Variants in HOXC8 observed in about 807,000 individuals in gnomAD.
HOXC8 encodes homeobox C8.
In HOXC8, 14 loss-of-function variants were observed where a neutral mutation model predicts 25.8. That is an observed-to-expected ratio of 0.54 (90% confidence interval 0.36 to 0.85). The LOEUF is 0.85. Among genes scored for constraint, HOXC8 ranks in the 40% least tolerant of loss-of-function variants. The pLI, the probability that HOXC8 is intolerant of heterozygous loss-of-function variation, is 0.01. For synonymous variants in HOXC8, 144 were observed against 124.6 expected, an observed-to-expected ratio of 1.16 and a Z score of -1.04; for missense variants, 316 against 308.8, an observed-to-expected ratio of 1.02 and a Z score of -0.17.
chr12:54,011,578 G>T lies in HOXC8; in HGVS notation c.*197G>T. On this transcript the variant is annotated 3_prime_UTR_variant, in exon 2 of 2. Transcript: ENST00000040584. ...CTTCCCCCACTCTTTATTTGTTTGG[G>T]GGCTGGAGGGGGGAGACGGAGAAAC... 1.6e-6 allele frequency: 1 copy of T among 620,076 alleles called. No individual in the cohort carries two copies. Among genetic ancestry groups the T allele is most frequent in the Non-Finnish European group, 2.4e-6 (1 of 408,550 alleles). The allele number at this position is 620,076 out of a possible 1,614,324, so 38.4% of individuals were successfully genotyped here. A position where few individuals can be genotyped will look rare whatever the true frequency, so the allele number is the denominator to read the frequency against.
At position 54,011,946 on chromosome 12, in the gene HOXC8, C is replaced by T. The variant is rs1421505924; in HGVS notation, c.*565C>T. 1 of 149,892 alleles carries T rather than the reference C, an allele frequency of 6.7e-6. No individual in the cohort carries two copies. Among genetic ancestry groups the T allele is most frequent in the Non-Finnish European group, 1.5e-5 (1 of 67,328 alleles). 9.3% of individuals were successfully genotyped at this position (149,892 alleles called of 1,614,324 possible). On this transcript the variant is annotated 3_prime_UTR_variant, in exon 2 of 2. Transcript: ENST00000040584. Reference sequence around the variant, plus strand: ...GCAAGGAATATCCCCTCCCCCTCCCCCTCCCCCTCCCCAGGGCTCCCTGCT... The same window carrying T: ...GCAAGGAATATCCCCTCCCCCTCCCTCTCCCCCTCCCCAGGGCTCCCTGCT...
Position 54,009,275 on chromosome 12 carries a change from T to C in HOXC8, c.-10T>C, listed in dbSNP as rs1429313326. The C allele has an allele frequency of 6.4e-7, 1 of 1,564,942 alleles. No homozygotes were observed. The highest frequency in any genetic ancestry group is 8.7e-7 in the Non-Finnish European group (1 of 1,152,802). ...GAGGGGAGGGGGCCGCGGGTTTTCA[T>C]GTACCCAGCATGAGCTCCTACTTCG... On this transcript the variant is annotated 5_prime_UTR_variant, in exon 1 of 2. It removes an upstream start codon present in the reference 5' UTR. Transcript: ENST00000040584. This position sits in a 1 kb window ranked among gnomAD's most constrained non-coding sequence, Gnocchi z 5.0.
Position 54,009,814 on chromosome 12 carries a change from CT to C in HOXC8, c.436+95del. ...TTTTTGTCTGCCCTCGCTTTTTCTC[CT>C]GGCTTTGGGGTCTCTCCCGCCCCAC... On this transcript the variant is annotated intron_variant, in intron 1 of 1. Transcript: ENST00000040584. This position sits in a 1 kb window ranked among gnomAD's most constrained non-coding sequence, Gnocchi z 5.0. The C allele has an allele frequency of 8.5e-7, 1 of 1,179,710 alleles. No homozygotes were observed. The highest frequency in any genetic ancestry group is 1.2e-6 in the Non-Finnish European group (1 of 814,024). The allele number at this position is 1,179,710 out of a possible 1,614,324, so 73.1% of individuals were successfully genotyped here.
rs980265262 is a variant in HOXC8, at chr12:54,009,775, C to A, written c.436+55C>A. ...TCTCCCGCGCTCCAGGGTTTCCCCC[C>A]CTCCCTCGCCTCCTTTTTGTCTGCC... On this transcript the variant is annotated intron_variant, in intron 1 of 1. Transcript: ENST00000040584. This position sits in a 1 kb window ranked among gnomAD's most constrained non-coding sequence, Gnocchi z 5.0. 23 of 1,452,838 alleles carry A rather than the reference C, an allele frequency of 1.6e-5. No homozygotes were observed. The highest frequency in any genetic ancestry group is 8.4e-5 in the African/African-American group (6 of 71,228). 90.0% of individuals were successfully genotyped at this position (1,452,838 alleles called of 1,614,324 possible). A position where few individuals can be genotyped will look rare whatever the true frequency, so the allele number is the denominator to read the frequency against.
chr12:54,010,963 T>C, intron 1 of HOXC8, 126 bp from the exon 2 acceptor site: 1 of 493,728 alleles, frequency 2.0e-6, no homozygotes, highest in South Asian at 2.1e-5. Flanking sequence ...CCTTCTGCTC[T>C]AGCCTTTTCC....
At position 54,009,663 on chromosome 12, in the gene HOXC8, G is replaced by A; in HGVS notation, c.379G>A (p.Gly127Ser). 2 of 1,614,212 alleles carry A rather than the reference G, an allele frequency of 1.2e-6. No individual in the cohort carries two copies. Among genetic ancestry groups the A allele is most frequent in the Non-Finnish European group, 1.7e-6 (2 of 1,180,038 alleles). The change falls in exon 1 of 2, where the codon GGC becomes AGC. Residue 127 changes from glycine to serine, a missense_variant. Transcript: ENST00000040584. This position sits in a 1 kb window ranked among gnomAD's most constrained non-coding sequence, Gnocchi z 5.0. Reference protein sequence around the residue: ...SANTNSSEGQGHLNQNSSPSL... With the variant: ...SANTNSSEGQSHLNQNSSPSL... ...CAACACTAACAGTAGCGAAGGACAA[G>A]GCCACTTAAATCAAAACTCGTCTCC...
In HOXC8 at chr12:54,012,341, A is replaced by T. The variant is rs1273590984; in HGVS notation, c.*960A>T. The T allele has an allele frequency of 4.0e-5, 4 of 99,594 alleles. No individual in the cohort carries two copies. Among genetic ancestry groups the T allele is most frequent in the Non-Finnish European group, 7.7e-5 (4 of 52,230 alleles). 6.2% of individuals were successfully genotyped at this position (99,594 alleles called of 1,614,324 possible). A position where few individuals can be genotyped will look rare whatever the true frequency, so the allele number is the denominator to read the frequency against. On this transcript the variant is annotated 3_prime_UTR_variant, in exon 2 of 2. Transcript: ENST00000040584. ...AAAAAAAGAGAAAAAAATAAAAATC[A>T]AAAAAAAAAAAAAGAAAGAAAGAAA...
Position 54,012,188 on chromosome 12 carries a change from T to G in HOXC8, c.*807T>G, listed in dbSNP as rs911850255. On this transcript the variant is annotated 3_prime_UTR_variant, in exon 2 of 2. Coordinates refer to ENST00000040584, the MANE Select transcript of HOXC8 (RefSeq NM_022658.4). ...CCCGCCTTCCTCTGAGCTGCATTAG[T>G]GTTAGTGCTCAGAAATCACCATAAT... 2 of 152,466 alleles carry G rather than the reference T, an allele frequency of 1.3e-5. No homozygotes were observed. Among genetic ancestry groups the G allele is most frequent in the Non-Finnish European group, 2.9e-5 (2 of 68,036 alleles). The allele number at this position is 152,466 out of a possible 1,614,324, so 9.4% of individuals were successfully genotyped here. A position where few individuals can be genotyped will look rare whatever the true frequency, so the allele number is the denominator to read the frequency against.
In HOXC8 at chr12:54,009,154, A is replaced by ACCAGC. The variant is rs1184625445; in HGVS notation, c.-121_-117dup. 7.5e-6 allele frequency: 6 copies of ACCAGC among 794,926 alleles called. No homozygotes were observed. The East Asian group carries it at 1.5e-4, about 20-fold the overall frequency. The allele number at this position is 794,926 out of a possible 1,614,324, so 49.2% of individuals were successfully genotyped here. Reference sequence around the variant, plus strand: ...CCCCAACCTGCCCAGCCCCCAGCCCACCAGCCCAGCCCAGTCCCGGGGAGC... The same window carrying ACCAGC: ...CCCCAACCTGCCCAGCCCCCAGCCCACCAGCCCAGCCCAGCCCAGTCCCGGGGAGC... On this transcript the variant is annotated 5_prime_UTR_variant, in exon 1 of 2. Coordinates refer to ENST00000040584, the MANE Select transcript of HOXC8 (RefSeq NM_022658.4). The surrounding 1 kb of genome is among the most constrained non-coding windows in gnomAD (Gnocchi z 5.0).
chr12:54,011,076 T>C lies in HOXC8; in HGVS notation c.437-13T>C. ...ATCCAAACGTAACCAGACTGGGGTT[T>C]TCTTCTGTCCAGCTCCGGGGAGGCG... On this transcript the variant is annotated splice_polypyrimidine_tract_variant and intron_variant, in intron 1 of 1. Coordinates refer to ENST00000040584, the MANE Select transcript of HOXC8 (RefSeq NM_022658.4). The C allele has an allele frequency of 6.2e-7, 1 of 1,605,624 alleles. No individual in the cohort carries two copies. The highest frequency in any genetic ancestry group is 8.5e-7 in the Non-Finnish European group (1 of 1,172,652).
intron 1 of HOXC8, among the ~76,000 whole-genome samples, chr12:54,010,340 G>A (rs913447113): frequency 2.0e-5 from 3 of 152,166 alleles, no homozygotes; most frequent in African/African-American, 4.8e-5. Context: ...GGGAGCCTGA[G>A]AGGAGGGGGA....
rs2136402635 is a variant in HOXC8 at position 54,011,076 on chromosome 12, T to G, written c.437-13T>G. On this transcript the variant is annotated splice_polypyrimidine_tract_variant and intron_variant, in intron 1 of 1. Transcript: ENST00000040584. ...ATCCAAACGTAACCAGACTGGGGTT[T>G]TCTTCTGTCCAGCTCCGGGGAGGCG... 2 of 1,605,624 alleles carry G rather than the reference T, an allele frequency of 1.2e-6. No individual in the cohort carries two copies. Among genetic ancestry groups the G allele is most frequent in the East Asian group, 4.5e-5 (2 of 44,832 alleles).
At position 54,012,667 on chromosome 12, in the gene HOXC8, A is replaced by G. The variant is rs537540945; in HGVS notation, c.*1286A>G. Among the ~76,000 whole-genome samples the G allele has an allele frequency of 2.2e-4, 34 of 152,344 alleles. No homozygotes were observed. The highest frequency in any genetic ancestry group is 7.9e-4 in the African/African-American group (33 of 41,582). ...TTTTTTGTCATTTGTCTTTATGTCC[A>G]GCTATGAATGTAGATTTTGTGTCCC... On this transcript the variant is annotated 3_prime_UTR_variant, in exon 2 of 2. Transcript: ENST00000040584.
At position 54,011,273 on chromosome 12, in the gene HOXC8, G is replaced by A. The variant is rs781152519; in HGVS notation, c.621G>A (p.Glu207=). The A allele has an allele frequency of 3.7e-6, 6 of 1,601,320 alleles. No individual in the cohort carries two copies. Among genetic ancestry groups the A allele is most frequent in the Non-Finnish European group, 4.3e-6 (5 of 1,173,934 alleles). Residue 207 remains glutamate (E), a synonymous_variant, in exon 2 of 2, where the codon GAG becomes GAA. Transcript: ENST00000040584. ...ACCGAAGGATGAAGTGGAAAAAGGAGAACAACAAGGATAAACTGCCGGGAG... is the reference window on the plus strand; with the variant it reads ...ACCGAAGGATGAAGTGGAAAAAGGAAAACAACAAGGATAAACTGCCGGGAG... ...FQNRRMKWKK[E]NNKDKLPGAR... is the part of the protein sequence containing the mutation.
At position 54,009,363 on chromosome 12, in the gene HOXC8, C is replaced by T. The variant is rs1237633933; in HGVS notation, c.79C>T (p.Arg27Trp). ...ESLEPAYYDC[R>W]FPQSVGRSHA... ...CCTGGAACCGGCCTATTACGACTGC[C>T]GGTTCCCTCAGAGCGTGGGCAGGAG... is the stretch of plus-strand genomic sequence containing the variant. Residue 27 changes from arginine (R) to tryptophan (W), a missense_variant, in exon 1 of 2, where the codon CGG becomes TGG. Arg to Trp is a moderately radical substitution (Grantham distance 101). Transcript: ENST00000040584. This position sits in a 1 kb window ranked among gnomAD's most constrained non-coding sequence, Gnocchi z 5.0. 1.2e-6 allele frequency: 2 copies of T among 1,613,392 alleles called. No homozygotes were observed. Among genetic ancestry groups the T allele is most frequent in the South Asian group, 1.1e-5 (1 of 91,058 alleles).
rs932595742 is a variant in HOXC8 at position 54,010,826 on chromosome 12, G to GA, written c.437-262dup. On this transcript the variant is annotated intron_variant, in intron 1 of 1. Transcript: ENST00000040584. ...CTAGGATTACAGGCCTGGTGGGGGGGATTCTACAGGGCTCCCCAGCCCCTG... is the reference window on the plus strand; with the variant it reads ...CTAGGATTACAGGCCTGGTGGGGGGGAATTCTACAGGGCTCCCCAGCCCCTG... Among the ~76,000 whole-genome samples the GA allele has an allele frequency of 1.9e-3, 290 of 152,236 alleles. 1 individual carries two copies. The highest frequency in any genetic ancestry group is 6.6e-3 in the African/African-American group (276 of 41,542).
intron 1 of HOXC8, 72 bp from the exon 2 acceptor site, chr12:54,011,017 A>T (rs1280565272): frequency 9.2e-7 from 1 of 1,085,914 alleles, no homozygotes; most frequent in Admixed American, 1.8e-5. Flanking sequence ...GGGAGTTTAG[A>T]GTAGGAAGAG....
Position 54,009,198 on chromosome 12 carries a change from G to C in HOXC8, c.-87G>C, listed in dbSNP as rs1014923258. 2 of 1,207,036 alleles carry C rather than the reference G, an allele frequency of 1.7e-6. No individual in the cohort carries two copies. The highest frequency in any genetic ancestry group is 2.3e-6 in the Non-Finnish European group (2 of 851,362). The allele number at this position is 1,207,036 out of a possible 1,614,324, so 74.8% of individuals were successfully genotyped here. On this transcript the variant is annotated 5_prime_UTR_variant, in exon 1 of 2. Transcript: ENST00000040584. The surrounding 1 kb of genome is among the most constrained non-coding windows in gnomAD (Gnocchi z 5.0). Reference sequence around the variant, plus strand: ...GGGGAGCCAGCTGGCCTGGGGTTCGGTCCCGGGGGGAGGGGAGTTTCGGGG... The same window carrying C: ...GGGGAGCCAGCTGGCCTGGGGTTCGCTCCCGGGGGGAGGGGAGTTTCGGGG...
In HOXC8 at chr12:54,009,809, T is replaced by A; in HGVS notation, c.436+89T>A. 1 of 1,203,756 alleles carries A rather than the reference T, an allele frequency of 8.3e-7. No individual in the cohort carries two copies. Among genetic ancestry groups the A allele is most frequent in the Non-Finnish European group, 1.2e-6 (1 of 834,492 alleles). 74.6% of individuals were successfully genotyped at this position (1,203,756 alleles called of 1,614,324 possible). On this transcript the variant is annotated intron_variant, in intron 1 of 1. Transcript: ENST00000040584. This position sits in a 1 kb window ranked among gnomAD's most constrained non-coding sequence, Gnocchi z 5.0. ...CCTCCTTTTTGTCTGCCCTCGCTTT[T>A]TCTCCTGGCTTTGGGGTCTCTCCCG...
Sources: gnomAD v4.1 joint callset for allele counts (sites outside exome capture counted in the v4.1 genomes callset) on GRCh38, gnomAD v4.1.1 for gene constraint, Gnocchi (gnomAD v3.1) non-coding constraint, MANE v1.5 for transcripts, NCBI Gene and HGNC (gene_info 2026-07-23, HGNC 2026-07-21) for gene names.